SEMA5A: variants seen among roughly 807,000 people sequenced by gnomAD.
SEMA5A encodes semaphorin 5A, also known as semaphorin-5A.
In SEMA5A, 55 loss-of-function variants were observed where a neutral mutation model predicts 135.5. The ratio of observed to expected loss-of-function variants is 0.41; its 90% confidence interval spans 0.33 to 0.51. The LOEUF (loss-of-function observed/expected upper bound fraction) is 0.51, where lower values mean the gene tolerates loss of function less well. Among genes scored for constraint, SEMA5A ranks in the 20% least tolerant of loss-of-function variants. The pLI is 0.37. For missense variants in SEMA5A, 1,290 were observed against 1,419.9 expected (o/e 0.91, Z 1.47); for synonymous variants, 580 against 546.5 (o/e 1.06, Z -0.85).
At chr5:9,360,080 C>T (rs1299697805) in intron 3 of SEMA5A, among the ~76,000 whole-genome samples, 1 of 152,152 alleles carries the variant, frequency 6.6e-6, no homozygotes, top group Non-Finnish European at 1.5e-5. Context: ...TCAGCAATAG[C>T]CTTTGAATCT....
intron 2 of SEMA5A, among the ~76,000 whole-genome samples, chr5:9,391,417 T>C (rs1376666564): frequency 7.1e-6 from 1 of 140,534 alleles, no homozygotes; most frequent in East Asian, 2.5e-4. Flanking sequence ...TGCCTGAAAC[T>C]GCAACTTCAT....
At chr5:9,453,332 C>T (rs1758715017) in intron 1 of SEMA5A, among the ~76,000 whole-genome samples, 1 of 152,180 alleles carries the variant, frequency 6.6e-6, no homozygotes, top group Admixed American at 6.5e-5. Context: ...ACAAGGCAAT[C>T]CTATCACCTT....
intron 5 of SEMA5A, among the ~76,000 whole-genome samples, chr5:9,256,154 C>T (rs893176034): frequency 1.3e-5 from 2 of 152,156 alleles, no homozygotes; most frequent in African/African-American, 4.8e-5. Context: ...TAACCCTTTC[C>T]TCTATGACTC....
chr5:9,176,242 T>C (rs537517884), intron 11 of SEMA5A, among the ~76,000 whole-genome samples: 2 of 152,242 alleles, frequency 1.3e-5, no homozygotes, highest in East Asian at 3.9e-4. Context: ...AGTGGCCACA[T>C]TGAAGAAGGG....
chr5:9,160,477 A>G (rs1162663661), intron 11 of SEMA5A, among the ~76,000 whole-genome samples: 1 of 152,228 alleles, frequency 6.6e-6, no homozygotes. Context: ...GGTGTTTCTG[A>G]GAATAAGATA....
intron 1 of SEMA5A, among the ~76,000 whole-genome samples, chr5:9,443,454 A>G (rs1250214779): frequency 2.0e-5 from 3 of 152,218 alleles, no homozygotes; most frequent in Non-Finnish European, 4.4e-5. Flanking sequence ...ACTGAAAAAT[A>G]TGATATAATC....
chr5:9,045,029 C>T (rs886990940), intron 21 of SEMA5A, among the ~76,000 whole-genome samples: 2 of 152,134 alleles, frequency 1.3e-5, no homozygotes, highest in Admixed American at 6.5e-5. Context: ...AGATGATCTG[C>T]CAGCCTCAGC....
intron 6 of SEMA5A, among the ~76,000 whole-genome samples, chr5:9,227,988 T>C (rs1747412360): frequency 6.6e-6 from 1 of 152,202 alleles, no homozygotes; most frequent in African/African-American, 2.4e-5. Context: ...CAAAGTGTTC[T>C]TAGAAAACCC....
At chr5:9,432,811 A>T (rs1757903563) in intron 2 of SEMA5A, among the ~76,000 whole-genome samples, 1 of 152,220 alleles carries the variant, frequency 6.6e-6, no homozygotes, top group Non-Finnish European at 1.5e-5. Flanking sequence ...CATTTAATGC[A>T]AACACCTTAA....
chr5:9,503,125 G>A (rs1182053923), intron 1 of SEMA5A, among the ~76,000 whole-genome samples: 1 of 150,612 alleles, frequency 6.6e-6, no homozygotes, highest in African/African-American at 2.4e-5. Flanking sequence ...TAGCATAAAA[G>A]AGAGAGAGAG....
rs767713692 is a variant in SEMA5A, at chr5:9,154,490, G to T, written c.1479C>A (p.Arg493=). 6.2e-7 allele frequency: 1 copy of T among 1,611,754 alleles called. No homozygotes were observed. The highest frequency in any genetic ancestry group is 8.5e-7 in the Non-Finnish European group (1 of 1,179,742). ...PLKRCQFYRT[R]STCIGAQDPY... ...TCCTGACCCCGGAGATGCCCTACCT[G>T]CGTGTGCGGTAGAACTGGCACCTCT... The change falls in exon 12 of 23, where the codon CGC becomes CGA. Residue 493 remains arginine, a splice_region_variant and synonymous_variant. Transcript: ENST00000382496.
chr5:9,153,024 C>T (rs1742718037), intron 12 of SEMA5A, among the ~76,000 whole-genome samples: 1 of 150,952 alleles, frequency 6.6e-6, no homozygotes. Context: ...GCCGAGATCA[C>T]ACCACTGCAC....
intron 3 of SEMA5A, among the ~76,000 whole-genome samples, chr5:9,375,506 A>C (rs368792422): frequency 1.7e-4 from 25 of 151,488 alleles, no homozygotes; most frequent in African/African-American, 5.8e-4. Context: ...GTTCTTCTCT[A>C]GAGACTTCAG....
intron 16 of SEMA5A, among the ~76,000 whole-genome samples, chr5:9,080,832 G>T (rs1313322929): frequency 6.6e-6 from 1 of 152,104 alleles, no homozygotes; most frequent in Non-Finnish European, 1.5e-5. Flanking sequence ...CCTCTGATAG[G>T]AAGCACCCAC....
intron 13 of SEMA5A, among the ~76,000 whole-genome samples, chr5:9,132,929 T>C (rs181674166): frequency 1.3e-5 from 2 of 152,368 alleles, no homozygotes; most frequent in Admixed American, 1.3e-4. Context: ...CTCTATGATC[T>C]ATATACGTAG....
intron 4 of SEMA5A, among the ~76,000 whole-genome samples, chr5:9,322,391 G>A (rs1208225557): frequency 6.6e-6 from 1 of 152,114 alleles, no homozygotes; most frequent in Non-Finnish European, 1.5e-5. Context: ...AGAGGAGGGA[G>A]GGGCATGCTT....
chr5:9,292,319 T>C (rs1490450217), intron 5 of SEMA5A, among the ~76,000 whole-genome samples: 4 of 152,212 alleles, frequency 2.6e-5, no homozygotes, highest in African/African-American at 9.7e-5. Flanking sequence ...AATTCACAGT[T>C]ATAACAATAT....
At chr5:9,203,346 T>C (rs1472409766) in intron 8 of SEMA5A, among the ~76,000 whole-genome samples, 1 of 152,206 alleles carries the variant, frequency 6.6e-6, no homozygotes, top group Non-Finnish European at 1.5e-5. Flanking sequence ...TCAGGGACAA[T>C]TAGTTTGTTG....
intron 1 of SEMA5A, among the ~76,000 whole-genome samples, chr5:9,471,298 T>C (rs928289017): frequency 2.0e-5 from 3 of 152,104 alleles, no homozygotes; most frequent in Non-Finnish European, 2.9e-5. Context: ...TTCTTGGGAG[T>C]GTCCCTGAAA....
Sources: allele counts gnomAD v4.1 joint callset (sites outside exome capture counted in the v4.1 genomes callset), GRCh38; gene constraint gnomAD v4.1.1; transcripts MANE v1.5; gene names NCBI Gene and HGNC (gene_info 2026-07-23, HGNC 2026-07-21).